THSD4: variants seen among roughly 807,000 people sequenced by gnomAD.
The protein encoded by THSD4 is thrombospondin type 1 domain containing 4, also known as thrombospondin type-1 domain-containing protein 4.
Under a neutral mutation model 119.0 loss-of-function variants are expected in THSD4, and 69 were observed. The observed-to-expected ratio is 0.58, with a 90% CI of 0.48 to 0.71. The LOEUF (loss-of-function observed/expected upper bound fraction) is 0.71, where lower values mean the gene tolerates loss of function less well. Among genes scored for constraint, THSD4 ranks in the 30% least tolerant of loss-of-function variants. The pLI, the probability that THSD4 is intolerant of heterozygous loss-of-function variation, is 0.00. For missense variants in THSD4, 1,393 were observed against 1,391.1 expected (o/e 1.00, Z -0.02); for synonymous variants, 524 against 540.4 (o/e 0.97, Z 0.42).
intron 3 of THSD4, among the ~76,000 whole-genome samples, chr15:71,172,840 G>A (rs1338924486): frequency 6.7e-6 from 1 of 150,066 alleles, no homozygotes; most frequent in African/African-American, 2.4e-5. Context: ...TCTGTATCTT[G>A]TACAATATAC....
intron 1 of THSD4, among the ~76,000 whole-genome samples, chr15:71,100,452 T>G (rs989022764): frequency 6.6e-6 from 1 of 152,082 alleles, no homozygotes; most frequent in South Asian, 2.1e-4. Context: ...TAGAATCAGA[T>G]TTTTCCCCAG....
At chr15:71,490,559 CA>C (rs11408465) in intron 7 of THSD4, among the ~76,000 whole-genome samples, 29 of 90,904 alleles carry the variant, frequency 3.2e-4, no homozygotes, top group African/African-American at 1.5e-3. Context: ...GACTCCGTCT[CA>C]AAAAAAAAAA....
At chr15:71,254,216 G>T (rs191088894) in intron 5 of THSD4, among the ~76,000 whole-genome samples, 2 of 152,200 alleles carry the variant, frequency 1.3e-5, no homozygotes, top group Non-Finnish European at 2.9e-5. Context: ...CCTGCGGCCC[G>T]GCAGCCGATC....
intron 7 of THSD4, among the ~76,000 whole-genome samples, chr15:71,498,643 CTGGTTTCTGCCTT>C (rs1350258032): frequency 6.6e-6 from 1 of 152,106 alleles, no homozygotes; most frequent in African/African-American, 2.4e-5. Context: ...CTCTCTGCCT[CTGGTTTCTGCCTT>C]TTGCATGGAT....
rs1003640312 is a variant in THSD4 at position 71,141,314 on chromosome 15, A to G, written c.-79-135A>G. 24 of 543,314 alleles carry G rather than the reference A, an allele frequency of 4.4e-5. No homozygotes were observed. In the South Asian group the frequency reaches 5.0e-4, roughly 11 times the overall value. 33.7% of individuals were successfully genotyped at this position (543,314 alleles called of 1,614,324 possible). ...ATAAATAATCAGATTTCAGTTGGGA[A>G]ATCCTGGGAACCATAACTGGGCACT... On this transcript the variant is annotated intron_variant, in intron 1 of 17. Coordinates refer to ENST00000261862, the MANE Select transcript of THSD4 (RefSeq NM_024817.3).
chr15:71,181,216 C>G (rs986179054), intron 3 of THSD4, among the ~76,000 whole-genome samples: 1 of 152,160 alleles, frequency 6.6e-6, no homozygotes, highest in African/African-American at 2.4e-5. Flanking sequence ...ATATAACTGA[C>G]TGCTGCTGAA....
chr15:71,546,382 A>G (rs1349793396), intron 7 of THSD4, among the ~76,000 whole-genome samples: 1 of 152,128 alleles, frequency 6.6e-6, no homozygotes, highest in Non-Finnish European at 1.5e-5. Context: ...CTGCTATTTC[A>G]GGATAACAGG....
At chr15:71,393,240 G>A (rs1456686037) in intron 6 of THSD4, among the ~76,000 whole-genome samples, 1 of 152,040 alleles carries the variant, frequency 6.6e-6, no homozygotes, top group Non-Finnish European at 1.5e-5. Context: ...TCTCTCGGTG[G>A]TTGTGCATAT....
chr15:71,391,986 G>A (rs777312656), intron 6 of THSD4, among the ~76,000 whole-genome samples: 2 of 152,136 alleles, frequency 1.3e-5, no homozygotes, highest in Non-Finnish European at 2.9e-5. Flanking sequence ...AAATGCCGTG[G>A]AACCCATCTC....
At chr15:71,511,204 CTG>C (rs1011339929) in intron 7 of THSD4, among the ~76,000 whole-genome samples, 36 of 152,180 alleles carry the variant, frequency 2.4e-4, no homozygotes, top group African/African-American at 8.2e-4. Flanking sequence ...TGTTTGTGGC[CTG>C]TGTGTGGAAC....
chr15:71,160,160 G>A (rs928644756), intron 3 of THSD4, among the ~76,000 whole-genome samples: 2 of 151,920 alleles, frequency 1.3e-5, no homozygotes, highest in Non-Finnish European at 2.9e-5. Flanking sequence ...TCCATCCCTG[G>A]GATGAATCCC....
At chr15:71,708,329 T>G (rs1198627872) in intron 8 of THSD4, among the ~76,000 whole-genome samples, 1 of 152,178 alleles carries the variant, frequency 6.6e-6, no homozygotes, top group African/African-American at 2.4e-5. Context: ...CTGTAGACAA[T>G]GCACCTCCTT....
At chr15:71,479,348 A>C (rs2047694827) in intron 7 of THSD4, among the ~76,000 whole-genome samples, 1 of 152,082 alleles carries the variant, frequency 6.6e-6, no homozygotes, top group Non-Finnish European at 1.5e-5. Context: ...TCTGATGCCA[A>C]GCCTTAGTTC....
intron 7 of THSD4, among the ~76,000 whole-genome samples, chr15:71,548,048 T>G (rs978924482): frequency 6.6e-6 from 1 of 151,920 alleles, no homozygotes; most frequent in Non-Finnish European, 1.5e-5. Context: ...TTTAAGTTCA[T>G]GAGGATGATT....
chr15:71,690,820 G>A (rs1017599405), intron 8 of THSD4, among the ~76,000 whole-genome samples: 1 of 152,192 alleles, frequency 6.6e-6, no homozygotes, highest in Middle Eastern at 3.2e-3. Context: ...CATGAGAACA[G>A]CATGGCAAAG....
intron 7 of THSD4, among the ~76,000 whole-genome samples, chr15:71,462,487 C>T (rs192871179): frequency 3.3e-5 from 5 of 152,214 alleles, no homozygotes; most frequent in African/African-American, 1.2e-4. Context: ...GACATACATT[C>T]TGAAACACTT....
At chr15:71,123,951 C>T (rs1567131972) in intron 1 of THSD4, among the ~76,000 whole-genome samples, 2 of 152,218 alleles carry the variant, frequency 1.3e-5, no homozygotes, top group African/African-American at 4.8e-5. Context: ...CACTCTCTCT[C>T]ACATTGCACA....
chr15:71,547,911 CT>C (rs33983525), intron 7 of THSD4: 328 of 149,232 alleles, frequency 2.2e-3, no homozygotes, highest in East Asian at 0.016. Context: ...ACACTTCTCT[CT>C]TTTTTTTTTT....
intron 6 of THSD4, among the ~76,000 whole-genome samples, chr15:71,292,622 T>C (rs2044806718): frequency 6.6e-6 from 1 of 152,158 alleles, no homozygotes; most frequent in Non-Finnish European, 1.5e-5. Flanking sequence ...TCTTGTTTCA[T>C]GGATGCACTA....
Sources: gnomAD v4.1 joint callset for allele counts (sites outside exome capture counted in the v4.1 genomes callset) on GRCh38, gnomAD v4.1.1 for gene constraint, MANE v1.5 for transcripts, NCBI Gene and HGNC (gene_info 2026-07-23, HGNC 2026-07-21) for gene names.